AFG3L2: variants seen among roughly 807,000 people sequenced by gnomAD.
AFG3L2 encodes the protein AFG3 like matrix AAA peptidase subunit 2.
Under a neutral mutation model 94.5 loss-of-function variants are expected in AFG3L2, and 54 were observed. The observed-to-expected ratio is 0.57, with a 90% CI of 0.46 to 0.72. The LOEUF (loss-of-function observed/expected upper bound fraction) is 0.72, where lower values mean the gene tolerates loss of function less well. Among genes scored for constraint, AFG3L2 ranks in the 30% least tolerant of loss-of-function variants. The pLI, the probability that AFG3L2 is intolerant of heterozygous loss-of-function variation, is 0.00. For synonymous variants in AFG3L2, 377 were observed against 365.5 expected (o/e 1.03, Z -0.36); for missense variants, 754 against 994.9 (o/e 0.76, Z 3.26).
chr18:12,338,275 CAAG>C (rs1460907405), intron 15 of AFG3L2, among the ~76,000 whole-genome samples: 2 of 152,194 alleles, frequency 1.3e-5, no homozygotes, highest in East Asian at 3.9e-4. Context: ...AGAGAAGCAG[CAAG>C]AAGCATCTGA....
rs114838976 is a variant in AFG3L2, at chr18:12,358,481, A to C, written c.1026+189T>G. On this transcript the variant is annotated intron_variant, in intron 8 of 16. Coordinates refer to ENST00000269143, the MANE Select transcript of AFG3L2 (RefSeq NM_006796.3). Reference sequence around the variant, plus strand: ...CACAGATATTTTCAGGAATACATACACTATACAAGACACATGCACACAGAA... The same window carrying C: ...CACAGATATTTTCAGGAATACATACCCTATACAAGACACATGCACACAGAA... Among the ~76,000 whole-genome samples, 423 of 152,290 alleles carry C rather than the reference A, an allele frequency of 2.8e-3. 1 individual carries two copies. The highest frequency in any genetic ancestry group is 9.9e-3 in the African/African-American group (410 of 41,550).
At chr18:12,330,331 A>G (rs975462033) in intron 16 of AFG3L2, among the ~76,000 whole-genome samples, 3 of 82,074 alleles carry the variant, frequency 3.7e-5, no homozygotes, top group African/African-American at 9.5e-5. Flanking sequence ...TTCTCAAAAC[A>G]AACAAACAAA....
chr18:12,331,577 T>C lies in AFG3L2; in HGVS notation c.2176-1794A>G, dbSNP rs543699233. Among the ~76,000 whole-genome samples, 65 of 152,312 alleles carry C rather than the reference T, an allele frequency of 4.3e-4. 1 individual carries two copies. Among genetic ancestry groups the C allele is most frequent in the African/African-American group, 1.5e-3 (63 of 41,550 alleles). ...CAGCACTTTGGGGCGGCGGATCACC[T>C]GAGGTCAGGAGTTCGAGACCAGCCT... On this transcript the variant is annotated intron_variant, in intron 16 of 16. Transcript: ENST00000269143.
At chr18:12,361,185 C>A (rs75919801) in intron 6 of AFG3L2, among the ~76,000 whole-genome samples, 1 of 152,228 alleles carries the variant, frequency 6.6e-6, no homozygotes, top group East Asian at 1.9e-4. Context: ...CCCTGGCCAC[C>A]ATGGTCTCAA....
At chr18:12,350,988 G>A in intron 12 of AFG3L2, 97 bp downstream of exon 12, 1 of 1,517,988 alleles carries the variant, frequency 6.6e-7, no homozygotes, top group South Asian at 1.1e-5. Flanking sequence ...GAAGCCCACA[G>A]TAAAGAAGTG....
intron 12 of AFG3L2, among the ~76,000 whole-genome samples, chr18:12,350,632 T>C (rs1428981929): frequency 6.6e-6 from 1 of 152,172 alleles, no homozygotes; most frequent in East Asian, 1.9e-4. Context: ...TCTGTGTATG[T>C]TTGAAATTTC....
At chr18:12,333,326 T>C (rs1907641877) in intron 16 of AFG3L2, among the ~76,000 whole-genome samples, 1 of 131,802 alleles carries the variant, frequency 7.6e-6, no homozygotes, top group South Asian at 2.2e-4. Context: ...ATATATAATA[T>C]ATAAAATTAT....
intron 3 of AFG3L2, among the ~76,000 whole-genome samples, chr18:12,369,203 C>A (rs1263055384): frequency 1.3e-5 from 2 of 152,106 alleles, no homozygotes; most frequent in Non-Finnish European, 2.9e-5. Flanking sequence ...AATGTCCACA[C>A]AAAAGCAACC....
At chr18:12,371,260 G>A (rs1252848950) in intron 2 of AFG3L2, among the ~76,000 whole-genome samples, 2 of 149,238 alleles carry the variant, frequency 1.3e-5, no homozygotes, top group Non-Finnish European at 3.0e-5. Context: ...GTTGCAGTAC[G>A]CCAAGATCGC....
Position 12,329,303 on chromosome 18 carries a change from G to C in AFG3L2, c.*262C>G, listed in dbSNP as rs112783401. 20 of 687,094 alleles carry C rather than the reference G, an allele frequency of 2.9e-5. No homozygotes were observed. Among genetic ancestry groups the C allele is most frequent in the African/African-American group, 2.3e-4 (13 of 56,760 alleles). 42.6% of individuals were successfully genotyped at this position (687,094 alleles called of 1,614,324 possible). A position where few individuals can be genotyped will look rare whatever the true frequency, so the allele number is the denominator to read the frequency against. ...ACAGGGTCCAGCCTCGGCCACTCTG[G>C]GCTCAACCTTTCCAGCACGTCTGGG... On this transcript the variant is annotated 3_prime_UTR_variant, in exon 17 of 17. Coordinates refer to ENST00000269143, the MANE Select transcript of AFG3L2 (RefSeq NM_006796.3).
chr18:12,352,705 C>T (rs966797354), intron 10 of AFG3L2, among the ~76,000 whole-genome samples: 2 of 152,008 alleles, frequency 1.3e-5, no homozygotes, highest in African/African-American at 4.8e-5. Flanking sequence ...AAATATTTTG[C>T]TATTATTTGT....
chr18:12,332,995 A>ATAATAT (rs1241387843), intron 16 of AFG3L2, among the ~76,000 whole-genome samples: 13 of 48,894 alleles, frequency 2.7e-4, no homozygotes, highest in Non-Finnish European at 5.6e-4. Flanking sequence ...ATATTATATA[A>ATAATAT]ATTATATATA....
In AFG3L2 at chr18:12,344,132, C is replaced by T. The variant is rs1426472730; in HGVS notation, c.1779G>A (p.Lys593=). ...WYLEHADPLL[K]VSIIPRGKGL... is the part of the protein sequence containing the mutation. ...GCCTAGTGCAGCTACCCTGCTTCACCTTTAAAAGCGGGTCTGCGTGCTCCA... is the reference window on the plus strand; with the variant it reads ...GCCTAGTGCAGCTACCCTGCTTCACTTTTAAAAGCGGGTCTGCGTGCTCCA... The change falls in exon 14 of 17, where the codon AAG becomes AAA. Residue 593 remains lysine (K), a splice_region_variant and synonymous_variant. Transcript: ENST00000269143. 2 of 1,612,884 alleles carry T rather than the reference C, an allele frequency of 1.2e-6. No individual in the cohort carries two copies. The highest frequency in any genetic ancestry group is 2.2e-5 in the East Asian group (1 of 44,900).
intron 8 of AFG3L2, among the ~76,000 whole-genome samples, chr18:12,358,272 G>A (rs763604656): frequency 1.3e-5 from 2 of 152,222 alleles, no homozygotes; most frequent in Non-Finnish European, 2.9e-5. Flanking sequence ...ATCCTGTGCC[G>A]TGAACCTCAG....
chr18:12,376,337 ACT>A (rs1401292002), intron 1 of AFG3L2, among the ~76,000 whole-genome samples: 1 of 152,038 alleles, frequency 6.6e-6, no homozygotes, highest in African/African-American at 2.4e-5. Context: ...TTCTGTCAAC[ACT>A]CTATCATTAT....
intron 1 of AFG3L2, among the ~76,000 whole-genome samples, chr18:12,372,411 A>C (rs1909019279): frequency 6.6e-6 from 1 of 152,236 alleles, no homozygotes; most frequent in Non-Finnish European, 1.5e-5. Context: ...GGATGTGAGA[A>C]ACTGGAGCCC....
At chr18:12,348,126 A>G (rs965206991) in intron 13 of AFG3L2, 147 bp downstream of exon 13, 11 of 711,396 alleles carry the variant, frequency 1.5e-5, no homozygotes, top group East Asian at 5.4e-5. Context: ...GGGAGGGGCC[A>G]TGACACCAAG....
In AFG3L2 at chr18:12,348,283, T is replaced by G; in HGVS notation, c.1653A>C (p.Arg551=). 2.5e-6 allele frequency: 4 copies of G among 1,613,486 alleles called. No homozygotes were observed. Among genetic ancestry groups the G allele is most frequent in the Non-Finnish European group, 3.4e-6 (4 of 1,179,412 alleles). The part of the protein sequence containing the change: ...NQKHFEQAIE[R]VIGGLEKKTQ... ...GTTCAGTTTCCTTACCACCAATCAC[T>G]CGTTCAATTGCCTGTTCAAAGTGTT... The change falls in exon 13 of 17, where the codon CGA becomes CGC. Residue 551 remains arginine (R), a synonymous_variant. Coordinates refer to ENST00000269143, the MANE Select transcript of AFG3L2 (RefSeq NM_006796.3).
chr18:12,361,740 T>C (rs1286781091), intron 6 of AFG3L2, among the ~76,000 whole-genome samples: 1 of 152,244 alleles, frequency 6.6e-6, no homozygotes, highest in African/African-American at 2.4e-5. Flanking sequence ...ATTACTTTGG[T>C]ATTTCTCTCC....
Sources: allele counts gnomAD v4.1 joint callset (sites outside exome capture counted in the v4.1 genomes callset), GRCh38; gene constraint gnomAD v4.1.1; transcripts MANE v1.5; gene names NCBI Gene and HGNC (gene_info 2026-07-23, HGNC 2026-07-21).